PPP2R2C: variants seen among roughly 807,000 people sequenced by gnomAD.
PPP2R2C encodes protein phosphatase 2, regulatory subunit B, gamma.
Under a neutral mutation model 45.3 loss-of-function variants are expected in PPP2R2C, and 10 were observed. The ratio of observed to expected loss-of-function variants is 0.22; its 90% CI spans 0.14 to 0.37. The LOEUF (loss-of-function observed/expected upper bound fraction) is 0.37. PPP2R2C is among the 10% of genes least tolerant of loss of function. The pLI, the probability that PPP2R2C is intolerant of heterozygous loss-of-function variation, is 1.00. For missense variants in PPP2R2C, 308 were observed against 619.7 expected (o/e 0.50, Z 5.34); for synonymous variants, 257 against 245.4 (o/e 1.05, Z -0.44).
intron 1 of PPP2R2C, among the ~76,000 whole-genome samples, chr4:6,416,059 C>T (rs1718558396): frequency 6.6e-6 from 1 of 151,674 alleles, no homozygotes; most frequent in Non-Finnish European, 1.5e-5. Flanking sequence ...CACCCTGGGT[C>T]TTTCTATTTG....
At chr4:6,358,874 G>T (rs919430448) in intron 5 of PPP2R2C, among the ~76,000 whole-genome samples, 2 of 152,214 alleles carry the variant, frequency 1.3e-5, no homozygotes. Context: ...TGGAGAAATA[G>T]GAACGCTTTT....
At chr4:6,492,883 T>G (rs1257311769) in intron 2 of PPP2R2C, among the ~76,000 whole-genome samples, 1 of 152,136 alleles carries the variant, frequency 6.6e-6, no homozygotes, top group Non-Finnish European at 1.5e-5. Flanking sequence ...GGTATGGGAC[T>G]GAACTTCAGG....
chr4:6,469,139 G>T (rs907159065), intron 1 of PPP2R2C, among the ~76,000 whole-genome samples: 1 of 144,546 alleles, frequency 6.9e-6, no homozygotes, highest in Admixed American at 6.9e-5. Flanking sequence ...ACACCAAGAT[G>T]TGAATGACTA....
At chr4:6,561,739 G>A (rs949857123) in intron 1 of PPP2R2C, among the ~76,000 whole-genome samples, 1 of 151,950 alleles carries the variant, frequency 6.6e-6, no homozygotes, top group Non-Finnish European at 1.5e-5. Flanking sequence ...ACACACTGGC[G>A]TTTAGAACCC....
At chr4:6,343,749 A>G (rs1047443747) in intron 6 of PPP2R2C, among the ~76,000 whole-genome samples, 6 of 152,198 alleles carry the variant, frequency 3.9e-5, no homozygotes, top group Admixed American at 1.3e-4. Context: ...AGGACACCAA[A>G]TAGATTTGCA....
intron 2 of PPP2R2C, among the ~76,000 whole-genome samples, chr4:6,534,259 C>G (rs1293533903): frequency 6.9e-6 from 1 of 145,256 alleles, no homozygotes; most frequent in East Asian, 2.0e-4. Flanking sequence ...ACACAGTAAG[C>G]ACACCACATA....
At chr4:6,349,560 C>G in intron 5 of PPP2R2C, 1 of 985,418 alleles carries the variant, frequency 1.0e-6, no homozygotes, top group Non-Finnish European at 1.2e-6. Flanking sequence ...GCTGCTGCCT[C>G]TCTCAGTAAG....
chr4:6,337,102 A>G (rs1165913122), intron 6 of PPP2R2C, among the ~76,000 whole-genome samples: 2 of 37,320 alleles, frequency 5.4e-5, no homozygotes, highest in African/African-American at 1.2e-4. Flanking sequence ...TTGTTTCTGT[A>G]TGTGTGTGTG....
chr4:6,369,238 C>A (rs746379612), intron 5 of PPP2R2C, among the ~76,000 whole-genome samples: 1 of 152,196 alleles, frequency 6.6e-6, no homozygotes, highest in African/African-American at 2.4e-5. Context: ...ACGTTTTAGG[C>A]ACTCAGCAGG....
chr4:6,480,972 A>G (rs1722327635), intron 2 of PPP2R2C, among the ~76,000 whole-genome samples: 1 of 152,126 alleles, frequency 6.6e-6, no homozygotes, highest in African/African-American at 2.4e-5. Flanking sequence ...GTCTTTTCCC[A>G]TTGCCCATGT....
chr4:6,520,432 G>T, intron 2 of PPP2R2C, among the ~76,000 whole-genome samples: 1 of 152,232 alleles, frequency 6.6e-6, no homozygotes, highest in Non-Finnish European at 1.5e-5. Flanking sequence ...CCTGAGCAGA[G>T]TGGATTCCAT....
chr4:6,527,711 G>A (rs765476882), intron 2 of PPP2R2C, among the ~76,000 whole-genome samples: 3 of 152,046 alleles, frequency 2.0e-5, no homozygotes, highest in Non-Finnish European at 4.4e-5. Flanking sequence ...TCCAGGCCCG[G>A]TGCAAAACCA....
rs577714251 is a variant in PPP2R2C, at chr4:6,561,042, G to A, written c.-59+2518C>T. Among the ~76,000 whole-genome samples the A allele has an allele frequency of 1.7e-3, 252 of 152,332 alleles. 2 individuals are homozygous for A. Among genetic ancestry groups the A allele is most frequent in the African/African-American group, 5.7e-3 (239 of 41,566 alleles). On this transcript the variant is annotated intron_variant, in intron 1 of 9. Transcript: ENST00000506140. ...AGTGCATCCTGGGGTGGATCATGGC[G>A]GTGACCGCCCTTCCCTGGGCTGGCA...
chr4:6,432,761 G>A (rs1321024735), intron 1 of PPP2R2C, among the ~76,000 whole-genome samples: 1 of 152,174 alleles, frequency 6.6e-6, no homozygotes, highest in Non-Finnish European at 1.5e-5. Flanking sequence ...AAATAAGTTA[G>A]GAAAAAATCT....
intron 4 of PPP2R2C, among the ~76,000 whole-genome samples, chr4:6,375,125 G>A (rs1026944000): frequency 9.9e-5 from 15 of 152,174 alleles, no homozygotes; most frequent in African/African-American, 3.1e-4. Flanking sequence ...TCTTGGGACG[G>A]GGGGTGGGGC....
chr4:6,540,913 C>T (rs1363828979), intron 1 of PPP2R2C, among the ~76,000 whole-genome samples: 1 of 152,230 alleles, frequency 6.6e-6, no homozygotes. Flanking sequence ...GGCCAGCAAT[C>T]CAGCACTGGA....
chr4:6,502,951 G>A (rs534764226), intron 2 of PPP2R2C, among the ~76,000 whole-genome samples: 2 of 152,108 alleles, frequency 1.3e-5, no homozygotes, highest in African/African-American at 2.4e-5. Context: ...CCTCCCCTCT[G>A]CTATACTGCT....
At chr4:6,336,106 G>T (rs1044510925) in intron 6 of PPP2R2C, among the ~76,000 whole-genome samples, 4 of 152,044 alleles carry the variant, frequency 2.6e-5, no homozygotes, top group African/African-American at 9.7e-5. Flanking sequence ...CTAATAAGTG[G>T]TGTCATATTT....
At chr4:6,559,555 C>T (rs997316165) in intron 1 of PPP2R2C, among the ~76,000 whole-genome samples, 2 of 152,202 alleles carry the variant, frequency 1.3e-5, no homozygotes, top group African/African-American at 4.8e-5. Flanking sequence ...GCATAACTTC[C>T]TCCAAAATCC....
Sources: allele counts gnomAD v4.1 joint callset (sites outside exome capture counted in the v4.1 genomes callset), GRCh38; gene constraint gnomAD v4.1.1; transcripts MANE v1.5; gene names NCBI Gene and HGNC (gene_info 2026-07-23, HGNC 2026-07-21).